Variants in IGDCC4 observed in about 807,000 individuals in gnomAD.
IGDCC4 encodes the protein immunoglobulin superfamily DCC subclass member 4.
IGDCC4 carries 72 observed loss-of-function variants against 116.6 expected under a neutral mutation model. The ratio of observed to expected loss-of-function variants is 0.62; its 90% CI spans 0.51 to 0.75. The LOEUF is 0.75. Among genes scored for constraint, IGDCC4 ranks in the 30% least tolerant of loss-of-function variants. IGDCC4 has a pLI of 0.00. For synonymous variants in IGDCC4, 709 were observed against 719.9 expected, an observed-to-expected ratio of 0.98 and a Z score of 0.24; for missense variants, 1,501 against 1,662.4, an observed-to-expected ratio of 0.90 and a Z score of 1.69.
intron 3 of IGDCC4, among the ~76,000 whole-genome samples, chr15:65,402,981 C>T (rs763303751): frequency 2.0e-5 from 3 of 152,190 alleles, no homozygotes; most frequent in East Asian, 1.9e-4. Flanking sequence ...ACTCCTGCCT[C>T]GATGGTGGCC....
chr15:65,384,924 T>C lies in IGDCC4; in HGVS notation c.3342+30A>G, dbSNP rs1311459338. ...CACAAGCACAGAGACCCTTTCCTCC[T>C]TTCCTGCCCCTTCCTTCCAGGACGC... On this transcript the variant is annotated intron_variant, in intron 19 of 19. Transcript: ENST00000352385. The surrounding 1 kb of genome is among the most constrained non-coding windows in gnomAD (Gnocchi z 4.9). 4 of 1,585,908 alleles carry C rather than the reference T, an allele frequency of 2.5e-6. No homozygotes were observed. Among genetic ancestry groups the C allele is most frequent in the Non-Finnish European group, 3.4e-6 (4 of 1,174,034 alleles).
intron 1 of IGDCC4, among the ~76,000 whole-genome samples, chr15:65,412,550 G>C (rs1339753320): frequency 7.5e-6 from 1 of 133,050 alleles, no homozygotes; most frequent in African/African-American, 2.9e-5. Flanking sequence ...CACAGTGCCT[G>C]ACACAGAATG....
At position 65,393,282 on chromosome 15, in the gene IGDCC4, TG is replaced by T; in HGVS notation, c.1885+78del. On this transcript the variant is annotated intron_variant, in intron 10 of 19. Transcript: ENST00000352385. The surrounding 1 kb of genome is among the most constrained non-coding windows in gnomAD (Gnocchi z 4.6). ...TCTGATGGAGGGCGGGGCCAGGGGG[TG>T]GGGCGCTGGGTCCCAAGGACACACG... 1 of 1,432,652 alleles carries T rather than the reference TG, an allele frequency of 7.0e-7. No homozygotes were observed. Among genetic ancestry groups the T allele is most frequent in the Non-Finnish European group, 9.3e-7 (1 of 1,080,264 alleles). The allele number at this position is 1,432,652 out of a possible 1,614,324, so 88.7% of individuals were successfully genotyped here. A position where few individuals can be genotyped will look rare whatever the true frequency, so the allele number is the denominator to read the frequency against.
At chr15:65,385,177 C>T in intron 18 of IGDCC4, 62 bp from the exon 19 acceptor site, 1 of 1,494,472 alleles carries the variant, frequency 6.7e-7, no homozygotes, top group Admixed American at 2.5e-5. Context: ...GAGAGGGAAG[C>T]CCGGGGGAGG....
Position 65,384,197 on chromosome 15 carries a change from G to A in IGDCC4, c.3565C>T (p.Leu1189=). 6.2e-7 allele frequency: 1 copy of A among 1,610,416 alleles called. No individual in the cohort carries two copies. The highest frequency in any genetic ancestry group is 1.1e-5 in the South Asian group (1 of 90,782). ...AGTCTGTCTGGCCCGGGGGCTGCCA[G>A]CTCACACCCTCCCAACTCCCTGTCC... The part of the protein sequence containing the change: ...WLDRELGGCE[L]AAPGPDRLTC... Residue 1189 remains leucine, a synonymous_variant, in exon 20 of 20, where the codon CTG becomes TTG. Transcript: ENST00000352385. This position sits in a 1 kb window ranked among gnomAD's most constrained non-coding sequence, Gnocchi z 4.9.
At chr15:65,419,675 T>G (rs1390303926) in intron 1 of IGDCC4, among the ~76,000 whole-genome samples, 1 of 152,056 alleles carries the variant, frequency 6.6e-6, no homozygotes, top group Admixed American at 6.6e-5. Context: ...GGTGAGGAGT[T>G]CCCAGGTGAG....
chr15:65,411,191 G>C lies in IGDCC4; in HGVS notation c.250C>G (p.His84Asp). Residue 84 changes from histidine (H) to aspartate (D), a missense_variant, in exon 2 of 20, where the codon CAC becomes GAC. Around this residue, in one of 3 missense-constraint regions of IGDCC4, gnomAD observed 898 missense variants for 978.9 expected, o/e 0.92. Coordinates refer to ENST00000352385, the MANE Select transcript of IGDCC4 (RefSeq NM_020962.3). ...KDGDTLLEHD[H>D]LHLLPNGSLW... is the part of the protein sequence containing the mutation. ...GAACCATTGGGCAGCAGGTGTAAGT[G>C]GTCGTGCTCCAGCAGGGTGTCCCCA... 7 of 1,614,226 alleles carry C rather than the reference G, an allele frequency of 4.3e-6. No homozygotes were observed. Among genetic ancestry groups the C allele is most frequent in the Non-Finnish European group, 5.9e-6 (7 of 1,180,050 alleles).
rs2091419077 is a variant in IGDCC4, at chr15:65,383,280, A to T, written c.*729T>A. 1 of 153,320 alleles carries T rather than the reference A, an allele frequency of 6.5e-6. No individual in the cohort carries two copies. The highest frequency in any genetic ancestry group is 2.1e-4 in the South Asian group (1 of 4,836). The allele number at this position is 153,320 out of a possible 1,614,324, so 9.5% of individuals were successfully genotyped here. A position where few individuals can be genotyped will look rare whatever the true frequency, so the allele number is the denominator to read the frequency against. On this transcript the variant is annotated 3_prime_UTR_variant, in exon 20 of 20. Coordinates refer to ENST00000352385, the MANE Select transcript of IGDCC4 (RefSeq NM_020962.3). ...AGGAAAACAGGAGAGAGGAAAGGAA[A>T]GAGTATCTGGGAGCAGGAGAAGGGC...
rs1270457151 is a variant in IGDCC4, at chr15:65,384,930, GC to G, written c.3342+23del. The stretch of plus-strand genomic sequence containing the variant: ...CACAGAGACCCTTTCCTCCTTTCCT[GC>G]CCCTTCCTTCCAGGACGCTGACCTT... On this transcript the variant is annotated intron_variant, in intron 19 of 19. Transcript: ENST00000352385. This position sits in a 1 kb window ranked among gnomAD's most constrained non-coding sequence, Gnocchi z 4.9. 56 of 1,589,194 alleles carry G rather than the reference GC, an allele frequency of 3.5e-5. No individual in the cohort carries two copies. Among genetic ancestry groups the G allele is most frequent in the Non-Finnish European group, 4.8e-5 (56 of 1,175,314 alleles).
rs998955663 is a variant in IGDCC4, at chr15:65,382,745, C to T, written c.*1264G>A. The T allele has an allele frequency of 1.3e-5, 2 of 152,134 alleles. No homozygotes were observed. The highest frequency in any genetic ancestry group is 4.8e-5 in the African/African-American group (2 of 41,420). 9.4% of individuals were successfully genotyped at this position (152,134 alleles called of 1,614,324 possible). A position where few individuals can be genotyped will look rare whatever the true frequency, so the allele number is the denominator to read the frequency against. On this transcript the variant is annotated 3_prime_UTR_variant, in exon 20 of 20. Coordinates refer to ENST00000352385, the MANE Select transcript of IGDCC4 (RefSeq NM_020962.3). ...GGTGAGATTCCTGTCATCCCCAATC[C>T]AGATCAAGTCAAGCCTCACAGGGTG... is the stretch of plus-strand genomic sequence containing the variant.
chr15:65,388,773 C>T, intron 15 of IGDCC4, 35 bp downstream of exon 15: 14 of 1,613,170 alleles, frequency 8.7e-6, no homozygotes, highest in Non-Finnish European at 1.2e-5. Flanking sequence ...GGCTGGGAAG[C>T]TCTTGAGCAG....
rs2091410813 is a variant in IGDCC4, at chr15:65,382,493, G to C, written c.*1516C>G. On this transcript the variant is annotated 3_prime_UTR_variant, in exon 20 of 20. Coordinates refer to ENST00000352385, the MANE Select transcript of IGDCC4 (RefSeq NM_020962.3). Reference sequence around the variant, plus strand: ...GAGTTAACTCTTGATGTGCCAATCAGACATCATTAGGGAGTAAAGACCCTA... The same window carrying C: ...GAGTTAACTCTTGATGTGCCAATCACACATCATTAGGGAGTAAAGACCCTA... The C allele has an allele frequency of 2.0e-5, 3 of 151,660 alleles. No homozygotes were observed. The highest frequency in any genetic ancestry group is 2.9e-5 in the Non-Finnish European group (2 of 67,974). 9.4% of individuals were successfully genotyped at this position (151,660 alleles called of 1,614,324 possible). A position where few individuals can be genotyped will look rare whatever the true frequency, so the allele number is the denominator to read the frequency against.
intron 5 of IGDCC4, among the ~76,000 whole-genome samples, chr15:65,400,500 T>C (rs2062973479): frequency 6.6e-6 from 1 of 152,168 alleles, no homozygotes; most frequent in Non-Finnish European, 1.5e-5. Flanking sequence ...AACAGAAATA[T>C]GTAATTATGG....
rs771052234 is a variant in IGDCC4, at chr15:65,389,378, C to T, written c.2442G>A (p.Lys814=). ...SGEDILIGGL[K]PFTKYEFAVQ... is the part of the protein sequence containing the mutation. ...CTGCAAACTCGTATTTGGTGAATGG[C>T]TTCAAGCCGCCAATGAGGATGTCTT... The change falls in exon 14 of 20, where the codon AAG becomes AAA. Residue 814 remains lysine, a synonymous_variant. Transcript: ENST00000352385. The T allele has an allele frequency of 3.1e-6, 5 of 1,614,200 alleles. No homozygotes were observed. The South Asian group carries it at 4.4e-5, about 14-fold the overall frequency.
intron 5 of IGDCC4, among the ~76,000 whole-genome samples, chr15:65,398,517 G>C (rs2062948587): frequency 1.0e-5 from 1 of 95,320 alleles, no homozygotes; most frequent in South Asian, 3.7e-4. Flanking sequence ...CTGGGAAACA[G>C]AGCAAAACTC....
intron 15 of IGDCC4, 36 bp from the exon 16 acceptor site, chr15:65,388,622 G>C: frequency 6.2e-7 from 1 of 1,612,962 alleles, no homozygotes; most frequent in Non-Finnish European, 8.5e-7. Context: ...CAGGGATGGT[G>C]GATGGGGTGG....
chr15:65,386,105 G>C (rs939695832), intron 17 of IGDCC4, 46 bp from the exon 18 acceptor site: 18 of 1,242,554 alleles, frequency 1.4e-5, no homozygotes, highest in Admixed American at 5.7e-5. Flanking sequence ...AGAGTAAGGG[G>C]TCAGGCGGGG....
Position 65,422,882 on chromosome 15 carries a change from C to A in IGDCC4, c.-20G>T. 1 of 1,054,498 alleles carries A rather than the reference C, an allele frequency of 9.5e-7. No homozygotes were observed. The highest frequency in any genetic ancestry group is 1.1e-6 in the Non-Finnish European group (1 of 873,798). 65.3% of individuals were successfully genotyped at this position (1,054,498 alleles called of 1,614,324 possible). A position where few individuals can be genotyped will look rare whatever the true frequency, so the allele number is the denominator to read the frequency against. On this transcript the variant is annotated 5_prime_UTR_variant, in exon 1 of 20. Coordinates refer to ENST00000352385, the MANE Select transcript of IGDCC4 (RefSeq NM_020962.3). ...CGCCATGGGGCTGGGCTCGGGCCGC[C>A]GCCGCCGCCGCCGCCTCCCCGTGCT...
intron 3 of IGDCC4, among the ~76,000 whole-genome samples, chr15:65,403,515 G>A (rs897215220): frequency 1.3e-5 from 2 of 152,068 alleles, no homozygotes; most frequent in African/African-American, 4.8e-5. Flanking sequence ...ACTATCTCAT[G>A]TGACCCTTAA....
Sources: allele counts gnomAD v4.1 joint callset (sites outside exome capture counted in the v4.1 genomes callset), GRCh38; gene constraint gnomAD v4.1.1; regional missense constraint gnomAD v4.1.1; non-coding constraint Gnocchi (gnomAD v3.1); transcripts MANE v1.5; gene names NCBI Gene and HGNC (gene_info 2026-07-23, HGNC 2026-07-21).